Variants in B4GALNT3 observed in about 807,000 individuals in gnomAD.
The protein encoded by B4GALNT3 is beta-1,4-N-acetyl-galactosaminyltransferase 3.
In B4GALNT3, 86 loss-of-function variants were observed where a neutral mutation model predicts 120.2. The observed-to-expected ratio is 0.72, with a 90% CI of 0.60 to 0.86. The LOEUF is 0.86. B4GALNT3 is among the 40% of genes least tolerant of loss of function. B4GALNT3 has a pLI of 0.00. For missense variants in B4GALNT3, 1,167 were observed against 1,298.9 expected, an observed-to-expected ratio of 0.90 and a Z score of 1.56; for synonymous variants, 518 against 510.4, an observed-to-expected ratio of 1.01 and a Z score of -0.20.
intron 19 of B4GALNT3, among the ~76,000 whole-genome samples, chr12:559,782 G>A (rs554965073): frequency 7.9e-5 from 12 of 152,100 alleles, no homozygotes; most frequent in Non-Finnish European, 7.4e-5. Flanking sequence ...TGCGCCTCCC[G>A]TCAGCTGCCG....
rs1382318559 is a variant in B4GALNT3, at chr12:546,666, C to T, written c.660C>T (p.Ala220=). 4 of 1,551,590 alleles carry T rather than the reference C, an allele frequency of 2.6e-6. No individual in the cohort carries two copies. The South Asian group carries it at 4.8e-5, about 18-fold the overall frequency. The part of the protein sequence containing the change: ...SVGKTGKEWT[A]PGEFGKFRSQ... Reference sequence around the variant, plus strand: ...TCTAGACTGGAAAGGAGTGGACCGCCCCGGGAGAGTTTGGGAAATTTCGGA... The same window carrying T: ...TCTAGACTGGAAAGGAGTGGACCGCTCCGGGAGAGTTTGGGAAATTTCGGA... The change falls in exon 7 of 20, where the codon GCC becomes GCT. Residue 220 remains alanine (A), a synonymous_variant. Coordinates refer to ENST00000266383, the MANE Select transcript of B4GALNT3 (RefSeq NM_173593.4).
intron 1 of B4GALNT3, among the ~76,000 whole-genome samples, chr12:473,515 C>T (rs1049157668): frequency 6.6e-6 from 1 of 152,108 alleles, no homozygotes; most frequent in Non-Finnish European, 1.5e-5. Context: ...GGGTTTCATA[C>T]GTGGGTCTCT....
chr12:489,598 T>C (rs918547322), intron 1 of B4GALNT3, among the ~76,000 whole-genome samples: 2 of 152,152 alleles, frequency 1.3e-5, no homozygotes, highest in African/African-American at 4.8e-5. Flanking sequence ...CGTAAAGGAA[T>C]GGAGGAAAAT....
intron 1 of B4GALNT3, among the ~76,000 whole-genome samples, chr12:528,003 G>A (rs1204588632): frequency 6.6e-6 from 1 of 151,966 alleles, no homozygotes; most frequent in African/African-American, 2.4e-5. Flanking sequence ...GGGGTAGCTG[G>A]TGACTCAGTG....
intron 1 of B4GALNT3, among the ~76,000 whole-genome samples, chr12:513,068 C>T (rs1946612827): frequency 6.9e-6 from 1 of 144,004 alleles, no homozygotes; most frequent in Admixed American, 7.0e-5. Flanking sequence ...CCTTCTTCCA[C>T]CTTTGACCTT....
At chr12:510,548 C>T (rs1946537915) in intron 1 of B4GALNT3, among the ~76,000 whole-genome samples, 1 of 130,108 alleles carries the variant, frequency 7.7e-6, no homozygotes, top group Non-Finnish European at 1.8e-5. Flanking sequence ...GTTTACCCGC[C>T]TCATGCCCAA....
chr12:510,421 AC>A (rs2120569354), intron 1 of B4GALNT3, among the ~76,000 whole-genome samples: 1 of 109,038 alleles, frequency 9.2e-6, no homozygotes, highest in Admixed American at 8.4e-5. Flanking sequence ...TCCTCTTCCT[AC>A]TGTGACCTGA....
Position 460,979 on chromosome 12 carries a change from C to T in B4GALNT3, c.169+434C>T, listed in dbSNP as rs1361464506. Among the ~76,000 whole-genome samples the T allele has an allele frequency of 6.6e-6, 1 of 152,140 alleles. No individual in the cohort carries two copies. Among genetic ancestry groups the T allele is most frequent in the South Asian group, 2.1e-4 (1 of 4,824 alleles). ...CCTCGGCCGTCCACACCCAGGCGCGCGCTCCAGTCCGCGCAGCCCAAACTT... is the reference window on the plus strand; with the variant it reads ...CCTCGGCCGTCCACACCCAGGCGCGTGCTCCAGTCCGCGCAGCCCAAACTT... On this transcript the variant is annotated intron_variant, in intron 1 of 19. Coordinates refer to ENST00000266383, the MANE Select transcript of B4GALNT3 (RefSeq NM_173593.4). This position sits in a 1 kb window ranked among gnomAD's most constrained non-coding sequence, Gnocchi z 8.0.
chr12:560,496 G>C (rs889022837), intron 19 of B4GALNT3, among the ~76,000 whole-genome samples: 2 of 152,232 alleles, frequency 1.3e-5, no homozygotes, highest in African/African-American at 2.4e-5. Flanking sequence ...TTAAGCGTTA[G>C]AGGCTTGAAA....
intron 1 of B4GALNT3, among the ~76,000 whole-genome samples, chr12:499,483 C>G (rs1248096898): frequency 7.2e-6 from 1 of 138,056 alleles, no homozygotes; most frequent in Non-Finnish European, 1.5e-5. Context: ...CTAGAACACT[C>G]CTAGCCCGTG....
chr12:541,489 C>T (rs908180007), intron 3 of B4GALNT3, among the ~76,000 whole-genome samples: 1 of 152,132 alleles, frequency 6.6e-6, no homozygotes, highest in East Asian at 1.9e-4. Context: ...TGGAGTCCCA[C>T]GTCCCTGCCA....
At chr12:552,645 C>T (rs891717359) in intron 13 of B4GALNT3, 117 bp downstream of exon 13, 4 of 921,244 alleles carry the variant, frequency 4.3e-6, no homozygotes, top group South Asian at 1.7e-5. Context: ...ATCCAAATCA[C>T]GTGACCTCTC....
rs1343213542 is a variant in B4GALNT3, at chr12:511,544, TCCTTCCA to T, written c.170-23608_170-23602del. ...ACCTTCCACCTTCCACCTTCTACCT[TCCTTCCA>T]CCTTCCACCTTCCGCCTTCGACCTT... On this transcript the variant is annotated intron_variant, in intron 1 of 19. Coordinates refer to ENST00000266383, the MANE Select transcript of B4GALNT3 (RefSeq NM_173593.4). 1.9e-3 allele frequency among the ~76,000 whole-genome samples: 220 copies of T among 114,186 alleles called. 2 individuals are homozygous for T. The highest frequency in any genetic ancestry group is 7.0e-3 in the African/African-American group (204 of 29,230). 74.9% of individuals were successfully genotyped at this position (114,186 alleles called of 152,430 possible).
Position 552,505 on chromosome 12 carries a change from A to G in B4GALNT3, c.1247A>G (p.Glu416Gly), listed in dbSNP as rs1483631615. Residue 416 changes from glutamate (E) to glycine (G), a missense_variant, in exon 13 of 20, where the codon GAG (glutamate) becomes GGG (glycine). Glu to Gly is a moderately conservative substitution (Grantham distance 98, BLOSUM62 -2). Coordinates refer to ENST00000266383, the MANE Select transcript of B4GALNT3 (RefSeq NM_173593.4). ...FQEYIKIDQP[E>G]KQGLEQPGFE... ...GAGTACATCAAGATTGACCAGCCTG[A>G]GAAGCAGGGGCTGGAGCAGCCAGGT... is the stretch of plus-strand genomic sequence containing the variant. 1 of 1,613,892 alleles carries G rather than the reference A, an allele frequency of 6.2e-7. No homozygotes were observed. The highest frequency in any genetic ancestry group is 1.1e-5 in the South Asian group (1 of 91,090).
chr12:545,103 A>G lies in B4GALNT3; in HGVS notation c.538+131A>G, dbSNP rs1039945805. 50 of 1,459,296 alleles carry G rather than the reference A, an allele frequency of 3.4e-5. No homozygotes were observed. In the African/African-American group the frequency reaches 5.0e-4, roughly 15 times the overall value. The allele number at this position is 1,459,296 out of a possible 1,614,324, so 90.4% of individuals were successfully genotyped here. A position where few individuals can be genotyped will look rare whatever the true frequency, so the allele number is the denominator to read the frequency against. ...AGTCCACCCTCAGGAAGAGAGGGGA[A>G]ATTGAGTCATATTGCGGTCTTGTCC... On this transcript the variant is annotated intron_variant, in intron 5 of 19. Transcript: ENST00000266383.
At chr12:512,858 T>A (rs943470693) in intron 1 of B4GALNT3, among the ~76,000 whole-genome samples, 13 of 136,054 alleles carry the variant, frequency 9.6e-5, no homozygotes, top group Non-Finnish European at 1.7e-4. Context: ...CCTTCCACCT[T>A]CCTTCCACCT....
At position 546,588 on chromosome 12, in the gene B4GALNT3, C is replaced by T. The variant is rs1219833680; in HGVS notation, c.640-58C>T. The T allele has an allele frequency of 5.4e-6, 8 of 1,479,350 alleles. No individual in the cohort carries two copies. In the East Asian group the frequency reaches 2.0e-4, roughly 37 times the overall value. The allele number at this position is 1,479,350 out of a possible 1,614,324, so 91.6% of individuals were successfully genotyped here. On this transcript the variant is annotated intron_variant, in intron 6 of 19. Transcript: ENST00000266383. ...TCCTTCCTGGTCTCGCACTCACCGC[C>T]TCGCGTGCTTCCTGTTTTCTCTGTT...
Position 460,803 on chromosome 12 carries a change from C to T in B4GALNT3, c.169+258C>T, listed in dbSNP as rs1429194355. Among the ~76,000 whole-genome samples the T allele has an allele frequency of 6.6e-6, 1 of 152,088 alleles. No homozygotes were observed. Among genetic ancestry groups the T allele is most frequent in the Non-Finnish European group, 1.5e-5 (1 of 67,986 alleles). ...GGCACCCTGGGGGCTCCTCGCGTCT[C>T]CCCTCGGAGAGCGACCCGGAGAGAG... On this transcript the variant is annotated intron_variant, in intron 1 of 19. Transcript: ENST00000266383. This position sits in a 1 kb window ranked among gnomAD's most constrained non-coding sequence, Gnocchi z 8.0.
intron 1 of B4GALNT3, among the ~76,000 whole-genome samples, chr12:499,401 G>C (rs868279210): frequency 1.0e-3 from 114 of 110,792 alleles, no homozygotes; most frequent in East Asian, 1.5e-3. Flanking sequence ...ATCTAGAACA[G>C]TCCTAGCCCG....
Sources: gnomAD v4.1 joint callset for allele counts (sites outside exome capture counted in the v4.1 genomes callset) on GRCh38, gnomAD v4.1.1 for gene constraint, Gnocchi (gnomAD v3.1) non-coding constraint, MANE v1.5 for transcripts, NCBI Gene and HGNC (gene_info 2026-07-23, HGNC 2026-07-21) for gene names.